Variants in SEMA3A observed in about 807,000 individuals in gnomAD.
SEMA3A encodes semaphorin-3A.
Under a neutral mutation model 97.9 loss-of-function variants are expected in SEMA3A, and 29 were observed. The ratio of observed to expected loss-of-function variants is 0.30; its 90% CI spans 0.22 to 0.40. SEMA3A has a LOEUF of 0.40. Among genes scored for constraint, SEMA3A ranks in the 10% least tolerant of loss-of-function variants. SEMA3A has a pLI of 1.00. For synonymous variants in SEMA3A, 321 were observed against 323.7 expected (o/e 0.99, Z 0.09); for missense variants, 763 against 951.3 (o/e 0.80, Z 2.60).
intron 1 of SEMA3A, among the ~76,000 whole-genome samples, chr7:84,471,244 T>C (rs1806138034): frequency 6.7e-6 from 1 of 149,642 alleles, no homozygotes; most frequent in Non-Finnish European, 1.5e-5. Flanking sequence ...AACTATGTTG[T>C]TGGTTCCCAC....
intron 1 of SEMA3A, among the ~76,000 whole-genome samples, chr7:84,404,309 A>G (rs1562934904): frequency 6.6e-6 from 1 of 152,198 alleles, no homozygotes; most frequent in African/African-American, 2.4e-5. Context: ...GGAAGACAAA[A>G]TGAATGAAAT....
rs533185325 is a variant in SEMA3A, at chr7:84,320,537, T to C, written c.-168-13245A>G. 3.9e-5 allele frequency among the ~76,000 whole-genome samples: 6 copies of C among 152,314 alleles called. No homozygotes were observed. The East Asian group carries it at 1.2e-3, about 29-fold the overall frequency. ...GCATGTAGTTGGAAATGTAAAATTA[T>C]TTATAAAAAGTAAAAGTGAAATACA... On this transcript the variant is annotated intron_variant, in intron 2 of 3. Transcript: ENST00000424555.
chr7:84,376,591 G>A (rs573128441), intron 1 of SEMA3A, among the ~76,000 whole-genome samples: 3 of 81,160 alleles, frequency 3.7e-5, no homozygotes, highest in African/African-American at 4.9e-5. Context: ...GCGACAGAGC[G>A]AGACTCCGTC....
chr7:84,316,895 A>G (rs1801518299), intron 2 of SEMA3A, among the ~76,000 whole-genome samples: 1 of 152,180 alleles, frequency 6.6e-6, no homozygotes, highest in African/African-American at 2.4e-5. Flanking sequence ...CTAAAAATGG[A>G]AAAGGTGAAG....
In SEMA3A at chr7:84,004,903, T is replaced by C. The variant is rs116459457; in HGVS notation, c.1360+436A>G. Among the ~76,000 whole-genome samples the C allele has an allele frequency of 3.1e-3, 472 of 152,292 alleles. 2 individuals are homozygous for C. Among genetic ancestry groups the C allele is most frequent in the African/African-American group, 0.011 (437 of 41,564 alleles). ...ATGGGTTTGAACTGTGTGGGTCCAC[T>C]TATATACAAATCTTCATCTGCTCCT... On this transcript the variant is annotated intron_variant, in intron 11 of 16. Coordinates refer to ENST00000265362, the MANE Select transcript of SEMA3A (RefSeq NM_006080.3).
chr7:84,140,938 G>A (rs572290485), intron 1 of SEMA3A, among the ~76,000 whole-genome samples: 1 of 152,130 alleles, frequency 6.6e-6, no homozygotes, highest in Admixed American at 6.6e-5. Flanking sequence ...CATGAACAAC[G>A]AATAATCTTC....
rs201118841 is a variant in SEMA3A, at chr7:84,001,916, A to G, written c.1452+39T>C. ...CAGCTGTCCTGGGGGAAAGACGTAC[A>G]ACTGAACTTGTTGACACTTGAAATT... is the stretch of plus-strand genomic sequence containing the variant. On this transcript the variant is annotated intron_variant, in intron 12 of 16. Coordinates refer to ENST00000265362, the MANE Select transcript of SEMA3A (RefSeq NM_006080.3). 4 of 1,406,408 alleles carry G rather than the reference A, an allele frequency of 2.8e-6. No homozygotes were observed. The East Asian group carries it at 9.2e-5, about 32-fold the overall frequency. The allele number at this position is 1,406,408 out of a possible 1,614,324, so 87.1% of individuals were successfully genotyped here.
intron 12 of SEMA3A, among the ~76,000 whole-genome samples, chr7:83,997,514 C>T (rs1448386481): frequency 6.6e-6 from 1 of 152,056 alleles, no homozygotes; most frequent in Non-Finnish European, 1.5e-5. Flanking sequence ...AAATATTTCT[C>T]TAAACTCTGC....
intron 4 of SEMA3A, among the ~76,000 whole-genome samples, chr7:84,066,162 A>G (rs1793482188): frequency 2.6e-5 from 4 of 151,892 alleles, no homozygotes; most frequent in South Asian, 2.1e-4. Context: ...AGAGCCAAAG[A>G]CAAAAACCAC....
chr7:84,079,172 T>A (rs1794062799), intron 4 of SEMA3A, among the ~76,000 whole-genome samples: 1 of 152,120 alleles, frequency 6.6e-6, no homozygotes, highest in Admixed American at 6.6e-5. Context: ...ATGTTTGATG[T>A]GAAAAATTGT....
At chr7:84,466,144 TTTG>T (rs1274081013) in intron 1 of SEMA3A, among the ~76,000 whole-genome samples, 8 of 148,242 alleles carry the variant, frequency 5.4e-5, no homozygotes, top group African/African-American at 1.8e-4. Context: ...ACTTTTCTTT[TTTG>T]TTGTTGTTAG....
At chr7:84,322,626 T>C (rs1297062400) in intron 2 of SEMA3A, among the ~76,000 whole-genome samples, 3 of 152,166 alleles carry the variant, frequency 2.0e-5, no homozygotes, top group Non-Finnish European at 4.4e-5. Context: ...CTTCATCTTC[T>C]GCCATGATTG....
upstream of SEMA3A, among the ~76,000 whole-genome samples, chr7:84,196,350 GCTTT>G (rs1798230145): frequency 8.0e-6 from 1 of 125,640 alleles, no homozygotes; most frequent in Non-Finnish European, 1.6e-5. Flanking sequence ...CGCTCGCTCT[GCTTT>G]CTCTCTCTCT....
At chr7:84,480,789 G>T (rs1482132906) in intron 1 of SEMA3A, among the ~76,000 whole-genome samples, 1 of 152,132 alleles carries the variant, frequency 6.6e-6, no homozygotes, top group Non-Finnish European at 1.5e-5. Flanking sequence ...AACATACTGT[G>T]TCTATGTTTA....
In SEMA3A at chr7:84,409,389, T is replaced by C. The variant is rs142199526; in HGVS notation, c.-245-37489A>G. Among the ~76,000 whole-genome samples the C allele has an allele frequency of 2.9e-3, 443 of 152,160 alleles. 1 individual carries two copies. The highest frequency in any genetic ancestry group is 0.01 in the African/African-American group (425 of 41,534). ...TATCTAGTGTTCTATTTTGCTTCTG[T>C]ATTCCTCTAAAATCTGTCATACTGC... On this transcript the variant is annotated intron_variant, in intron 1 of 3. Transcript: ENST00000424555.
intron 4 of SEMA3A, among the ~76,000 whole-genome samples, chr7:84,088,301 A>G (rs1794445195): frequency 6.6e-6 from 1 of 152,054 alleles, no homozygotes; most frequent in South Asian, 2.1e-4. Flanking sequence ...TAAAAATACA[A>G]AAATTAGCTG....
intron 1 of SEMA3A, among the ~76,000 whole-genome samples, chr7:84,396,857 C>T (rs183473688): frequency 2.0e-5 from 3 of 152,072 alleles, no homozygotes; most frequent in East Asian, 3.9e-4. Context: ...GCAGTATTTA[C>T]TTCATTAGGT....
intron 2 of SEMA3A, among the ~76,000 whole-genome samples, chr7:84,129,470 GCA>G (rs370245600): frequency 6.6e-6 from 1 of 152,170 alleles, no homozygotes; most frequent in Admixed American, 6.6e-5. Context: ...GCAAGAACTA[GCA>G]CACAGATTGG....
chr7:84,440,046 G>A (rs886117961), intron 1 of SEMA3A, among the ~76,000 whole-genome samples: 36 of 152,092 alleles, frequency 2.4e-4, no homozygotes, highest in South Asian at 2.1e-4. Context: ...TGGAACAGAG[G>A]AAAGAAACAA....
Sources: allele counts gnomAD v4.1 joint callset (sites outside exome capture counted in the v4.1 genomes callset), GRCh38; gene constraint gnomAD v4.1.1; transcripts MANE v1.5; gene names NCBI Gene and HGNC (gene_info 2026-07-23, HGNC 2026-07-21).